Variants in KICS2 observed in about 807,000 individuals in gnomAD.
KICS2 encodes the protein KICSTOR complex protein C12orf66.
KICS2 carries 13 observed loss-of-function variants against 31.4 expected under a neutral mutation model. The ratio of observed to expected loss-of-function variants is 0.41; its 90% CI spans 0.27 to 0.66. The LOEUF (loss-of-function observed/expected upper bound fraction) is 0.66. Ranked by LOEUF, KICS2 falls within the 30% of genes least tolerant of loss-of-function variation. The pLI is 0.28. For missense variants in KICS2, 455 were observed against 545.4 expected, an observed-to-expected ratio of 0.83 and a Z score of 1.65; for synonymous variants, 209 against 214.8, an observed-to-expected ratio of 0.97 and a Z score of 0.24.
Position 64,191,728 on chromosome 12 carries a change from C to T in KICS2, c.*2114G>A, listed in dbSNP as rs1459937464. ...AATAAAATGCAGAGGTAAATCACTA[C>T]TTTCTATTTAAAGCAAACTAGCTTT... On this transcript the variant is annotated 3_prime_UTR_variant, in exon 3 of 3. Transcript: ENST00000398055. 6.6e-6 allele frequency: 1 copy of T among 152,114 alleles called. No homozygotes were observed. The highest frequency in any genetic ancestry group is 1.5e-5 in the Non-Finnish European group (1 of 68,014). 9.4% of individuals were successfully genotyped at this position (152,114 alleles called of 1,614,324 possible). A position where few individuals can be genotyped will look rare whatever the true frequency, so the allele number is the denominator to read the frequency against.
intron 2 of KICS2, among the ~76,000 whole-genome samples, chr12:64,215,276 C>T (rs1237317545): frequency 1.3e-5 from 2 of 152,150 alleles, no homozygotes; most frequent in African/African-American, 4.8e-5. Flanking sequence ...CATGCTACTG[C>T]ACTCCAGCCT....
chr12:64,193,778 C>CGT lies in KICS2; in HGVS notation c.*62_*63dup. The CGT allele has an allele frequency of 2.0e-6, 3 of 1,526,088 alleles. No homozygotes were observed. The East Asian group carries it at 6.9e-5, about 35-fold the overall frequency. 94.5% of individuals were successfully genotyped at this position (1,526,088 alleles called of 1,614,324 possible). On this transcript the variant is annotated 3_prime_UTR_variant, in exon 3 of 3. Coordinates refer to ENST00000398055, the MANE Select transcript of KICS2 (RefSeq NM_152440.5). ...GATGTAAACTCTATTCACAGACCAC[C>CGT]GTAGATCATTAGGGCAATTAAGAAC...
chr12:64,188,422 G>A (rs1389037097), downstream of KICS2, among the ~76,000 whole-genome samples: 2 of 152,104 alleles, frequency 1.3e-5, no homozygotes, highest in Non-Finnish European at 2.9e-5. Context: ...TACTCATGAG[G>A]CTGAGGCACG....
At chr12:64,210,946 G>T (rs894194568) in intron 2 of KICS2, among the ~76,000 whole-genome samples, 1 of 152,036 alleles carries the variant, frequency 6.6e-6, no homozygotes, top group African/African-American at 2.4e-5. Context: ...CAATTTTTTT[G>T]AGTGCAGACC....
At chr12:64,202,145 C>T (rs1452371174) in intron 2 of KICS2, among the ~76,000 whole-genome samples, 1 of 152,194 alleles carries the variant, frequency 6.6e-6, no homozygotes, top group Non-Finnish European at 1.5e-5. Context: ...TGGCTTATTC[C>T]TGTAAACCCA....
chr12:64,215,293 C>G, intron 2 of KICS2, among the ~76,000 whole-genome samples: 1 of 152,092 alleles, frequency 6.6e-6, no homozygotes, highest in African/African-American at 2.4e-5. Flanking sequence ...GCCTGGGCAA[C>G]AGAAAATACA....
At chr12:64,208,199 G>C (rs966734707) in intron 2 of KICS2, among the ~76,000 whole-genome samples, 2 of 152,178 alleles carry the variant, frequency 1.3e-5, no homozygotes, top group Admixed American at 1.3e-4. Flanking sequence ...AGTAGAGATG[G>C]AGTTTCGCCA....
At chr12:64,202,765 G>A (rs1344918431) in intron 2 of KICS2, among the ~76,000 whole-genome samples, 1 of 151,638 alleles carries the variant, frequency 6.6e-6, no homozygotes, top group African/African-American at 2.4e-5. Flanking sequence ...AGTACCTGCT[G>A]TTTGTAAAAC....
chr12:64,221,561 G>T, intron 1 of KICS2: 1 of 171,784 alleles, frequency 5.8e-6, no homozygotes, highest in South Asian at 1.5e-4. Flanking sequence ...CTATGAAGAC[G>T]GGGTAGGACT....
At chr12:64,210,024 G>C (rs2037569808) in intron 2 of KICS2, among the ~76,000 whole-genome samples, 1 of 152,194 alleles carries the variant, frequency 6.6e-6, no homozygotes, top group Non-Finnish European at 1.5e-5. Context: ...ACAGATGCCA[G>C]ATCAAAAAGT....
intron 2 of KICS2, among the ~76,000 whole-genome samples, chr12:64,196,744 G>A (rs1227005070): frequency 1.4e-5 from 2 of 142,294 alleles, no homozygotes; most frequent in Non-Finnish European, 3.1e-5. Flanking sequence ...CCAATACAGA[G>A]AAGTGCTTAA....
rs748065669 is a variant in KICS2 at position 64,194,337 on chromosome 12, C to T, written c.843G>A (p.Thr281=). The change falls in exon 3 of 3, where the codon ACG becomes ACA. Residue 281 remains threonine (T), a synonymous_variant. Coordinates refer to ENST00000398055, the MANE Select transcript of KICS2 (RefSeq NM_152440.5). ...TCAACGTTTTCATTTCTGAAGCAGTCGTTTGTCGGCTCAGAGCCTCATGAA... is the reference window on the plus strand; with the variant it reads ...TCAACGTTTTCATTTCTGAAGCAGTTGTTTGTCGGCTCAGAGCCTCATGAA... The part of the protein sequence containing the change: ...FYFHEALSRQ[T]TASEMKTLTA... The T allele has an allele frequency of 1.9e-5, 31 of 1,614,120 alleles. No homozygotes were observed. The South Asian group carries it at 3.1e-4, about 16-fold the overall frequency.
downstream of KICS2, among the ~76,000 whole-genome samples, chr12:64,189,296 A>G (rs908877126): frequency 9.2e-4 from 140 of 152,360 alleles, no homozygotes; most frequent in African/African-American, 3.2e-3. Context: ...GCTAATAATG[A>G]GAAAAGGAAT....
At chr12:64,219,696 T>C (rs1490459961) in intron 1 of KICS2, among the ~76,000 whole-genome samples, 3 of 152,216 alleles carry the variant, frequency 2.0e-5, no homozygotes, top group African/African-American at 4.8e-5. Context: ...AGTAGCTTGA[T>C]TGTGGTGATT....
At chr12:64,195,917 A>G (rs1273252466) in intron 2 of KICS2, among the ~76,000 whole-genome samples, 1 of 152,160 alleles carries the variant, frequency 6.6e-6, no homozygotes, top group Non-Finnish European at 1.5e-5. Context: ...GCGCACCACG[A>G]GATTATATCC....
At chr12:64,195,126 T>A (rs890259219) in intron 2 of KICS2, among the ~76,000 whole-genome samples, 3 of 152,154 alleles carry the variant, frequency 2.0e-5, no homozygotes, top group African/African-American at 7.2e-5. Context: ...CTCCCTATGT[T>A]GCCCAGGCTG....
downstream of KICS2, among the ~76,000 whole-genome samples, chr12:64,189,203 G>C (rs890017579): frequency 1.1e-4 from 16 of 152,028 alleles, no homozygotes; most frequent in African/African-American, 3.6e-4. Flanking sequence ...AAAGAATCAA[G>C]GATTTATCCA....
rs891249010 is a variant in KICS2 at position 64,221,785 on chromosome 12, C to A, written c.235+218G>T. 4 of 621,118 alleles carry A rather than the reference C, an allele frequency of 6.4e-6. No homozygotes were observed. In the Admixed American group the frequency reaches 8.9e-5, roughly 14 times the overall value. 38.5% of individuals were successfully genotyped at this position (621,118 alleles called of 1,614,324 possible). Reference sequence around the variant, plus strand: ...GTTTGGGTCACAGCCCTGCAAAGAGCATCTACCCAGTTCGCCAATCTATCA... The same window carrying A: ...GTTTGGGTCACAGCCCTGCAAAGAGAATCTACCCAGTTCGCCAATCTATCA... On this transcript the variant is annotated intron_variant, in intron 1 of 2. Coordinates refer to ENST00000398055, the MANE Select transcript of KICS2 (RefSeq NM_152440.5).
At chr12:64,206,990 A>T (rs2037544317) in intron 2 of KICS2, among the ~76,000 whole-genome samples, 1 of 152,070 alleles carries the variant, frequency 6.6e-6, no homozygotes, top group South Asian at 2.1e-4. Flanking sequence ...ACACTACTGA[A>T]CTGGATACAT....
Sources: gnomAD v4.1 joint callset for allele counts (sites outside exome capture counted in the v4.1 genomes callset) on GRCh38, gnomAD v4.1.1 for gene constraint, MANE v1.5 for transcripts, NCBI Gene and HGNC (gene_info 2026-07-23, HGNC 2026-07-21) for gene names.